Variants in DAB1 observed in about 807,000 individuals in gnomAD.
DAB1 encodes disabled homolog 1.
Under a neutral mutation model 64.6 loss-of-function variants are expected in DAB1, and 15 were observed. The ratio of observed to expected loss-of-function variants is 0.23; its 90% CI spans 0.16 to 0.36. DAB1 has a LOEUF of 0.36. DAB1 is among the 10% of genes least tolerant of loss of function. The pLI is 1.00. For synonymous variants in DAB1, 235 were observed against 251.9 expected, an observed-to-expected ratio of 0.93 and a Z score of 0.64; for missense variants, 596 against 706.7, an observed-to-expected ratio of 0.84 and a Z score of 1.78.
chr1:57,394,105 A>G (rs1303721271), intron 1 of DAB1, among the ~76,000 whole-genome samples: 3 of 152,210 alleles, frequency 2.0e-5, no homozygotes, highest in Non-Finnish European at 2.9e-5. Flanking sequence ...TTTATCATAT[A>G]TGGTGCAGTG....
chr1:57,282,374 G>T (rs560095464), intron 2 of DAB1, among the ~76,000 whole-genome samples: 2 of 152,114 alleles, frequency 1.3e-5, no homozygotes, highest in African/African-American at 4.8e-5. Context: ...CGGAGTGACA[G>T]AAAAGGAGAT....
intron 2 of DAB1, among the ~76,000 whole-genome samples, chr1:57,195,824 A>T (rs1569850947): frequency 6.6e-6 from 1 of 152,252 alleles, no homozygotes; most frequent in African/African-American, 2.4e-5. Context: ...TAGCTCACCA[A>T]CTTGACAATT....
intron 2 of DAB1, among the ~76,000 whole-genome samples, chr1:57,206,968 C>CTTTTTTTTTTTTTTTT (rs201111039): frequency 9.5e-5 from 8 of 84,474 alleles, no homozygotes; most frequent in South Asian, 4.0e-4. Context: ...TCCTTCCTTC[C>CTTTTTTTTTTTTTTTT]TTTTTTTTTT....
At chr1:58,485,912 A>G (rs939783063) in intron 3 of DAB1, among the ~76,000 whole-genome samples, 2 of 152,200 alleles carry the variant, frequency 1.3e-5, no homozygotes, top group African/African-American at 2.4e-5. Flanking sequence ...TTAGGAGTTT[A>G]TGGTTTAAGA....
At chr1:57,939,915 A>C (rs1645078668) in intron 5 of DAB1, among the ~76,000 whole-genome samples, 1 of 152,238 alleles carries the variant, frequency 6.6e-6, no homozygotes, top group Non-Finnish European at 1.5e-5. Context: ...ATTAAGGCCT[A>C]AATAAATGTT....
At chr1:57,961,727 G>A (rs931043992) in intron 5 of DAB1, among the ~76,000 whole-genome samples, 1 of 152,174 alleles carries the variant, frequency 6.6e-6, no homozygotes, top group African/African-American at 2.4e-5. Flanking sequence ...CCAGCACTGT[G>A]GGAGGCTGAG....
chr1:58,028,197 T>C (rs1456334292), intron 5 of DAB1, among the ~76,000 whole-genome samples: 3 of 152,216 alleles, frequency 2.0e-5, no homozygotes, highest in Admixed American at 6.5e-5. Flanking sequence ...GTTTCACAAA[T>C]ACCGAACCAT....
intron 9 of DAB1, among the ~76,000 whole-genome samples, chr1:57,061,894 T>C (rs148195608): frequency 3.3e-5 from 5 of 152,246 alleles, no homozygotes; most frequent in Middle Eastern, 3.4e-3. Context: ...GAGCTGACAT[T>C]GTTGAGGGTC....
intron 7 of DAB1, among the ~76,000 whole-genome samples, chr1:57,437,281 T>G (rs527265379): frequency 3.8e-4 from 58 of 152,218 alleles, no homozygotes; most frequent in African/African-American, 1.4e-3. Flanking sequence ...CAAAGGCCAA[T>G]GAAGAGGTCA....
intron 7 of DAB1, among the ~76,000 whole-genome samples, chr1:57,471,010 C>T (rs914032017): frequency 7.2e-5 from 11 of 152,176 alleles, no homozygotes; most frequent in African/African-American, 2.4e-4. Context: ...AAACCATCAG[C>T]ACAGTTCAAG....
chr1:57,139,315 A>G (rs1658384330), intron 3 of DAB1, among the ~76,000 whole-genome samples: 1 of 152,144 alleles, frequency 6.6e-6, no homozygotes, highest in African/African-American at 2.4e-5. Flanking sequence ...GCATGTATCC[A>G]CTTTGGAGGA....
intron 7 of DAB1, among the ~76,000 whole-genome samples, chr1:57,483,788 G>A (rs982144309): frequency 1.3e-5 from 2 of 151,986 alleles, no homozygotes; most frequent in African/African-American, 4.8e-5. Flanking sequence ...AGACACCGAT[G>A]GTGATTTTAT....
intron 7 of DAB1, among the ~76,000 whole-genome samples, chr1:57,625,119 A>C (rs1401797456): frequency 1.3e-5 from 2 of 152,204 alleles, no homozygotes; most frequent in East Asian, 3.9e-4. Flanking sequence ...AAAATGTTCC[A>C]CAACAACCTT....
chr1:58,217,928 G>GA (rs1658941790), intron 4 of DAB1, among the ~76,000 whole-genome samples: 1 of 151,988 alleles, frequency 6.6e-6, no homozygotes, highest in Non-Finnish European at 1.5e-5. Flanking sequence ...CAGCTTTACA[G>GA]AAAATGAGTG....
At chr1:57,530,505 C>T (rs1644649937) in intron 7 of DAB1, among the ~76,000 whole-genome samples, 1 of 152,176 alleles carries the variant, frequency 6.6e-6, no homozygotes, top group Non-Finnish European at 1.5e-5. Flanking sequence ...TTCTTTACTA[C>T]ATGATCTAAT....
chr1:58,408,611 G>A (rs913065158), intron 3 of DAB1, among the ~76,000 whole-genome samples: 1 of 151,984 alleles, frequency 6.6e-6, no homozygotes, highest in Non-Finnish European at 1.5e-5. Flanking sequence ...AACCAAAGAG[G>A]GTTTCAATTT....
chr1:57,180,797 AT>A (rs1662839315), intron 2 of DAB1, among the ~76,000 whole-genome samples: 1 of 152,168 alleles, frequency 6.6e-6, no homozygotes, highest in Non-Finnish European at 1.5e-5. Flanking sequence ...TAAGGGTCAT[AT>A]TTTAATATTC....
Position 58,398,137 on chromosome 1 carries a change from C to A in DAB1, n.258-54734G>T, listed in dbSNP as rs532131922. On this transcript the variant is annotated intron_variant and non_coding_transcript_variant, in intron 3 of 20. Coordinates refer to the DAB1 transcript ENST00000485760. The stretch of plus-strand genomic sequence containing the variant: ...CAGGCCAACTCTGTTCCCTGCTTCC[C>A]CACATAAAAGCATGCAGTGAGTCTG... 2.6e-5 allele frequency among the ~76,000 whole-genome samples: 4 copies of A among 152,296 alleles called. No individual in the cohort carries two copies. In the South Asian group the frequency reaches 8.3e-4, roughly 32 times the overall value.
intron 6 of DAB1, among the ~76,000 whole-genome samples, chr1:57,757,550 T>C (rs1316897176): frequency 6.6e-6 from 1 of 152,122 alleles, no homozygotes; most frequent in African/African-American, 2.4e-5. Flanking sequence ...ATCTTCTCCC[T>C]GTGTGACTTC....
Sources: allele counts gnomAD v4.1 joint callset (sites outside exome capture counted in the v4.1 genomes callset), GRCh38; gene constraint gnomAD v4.1.1; transcripts MANE v1.5; gene names NCBI Gene and HGNC (gene_info 2026-07-23, HGNC 2026-07-21).